Variants in DUSP1 observed in about 807,000 individuals in gnomAD.
The protein encoded by DUSP1 is dual specificity phosphatase 1, also known as dual specificity protein phosphatase 1.
In DUSP1, 10 loss-of-function variants were observed where a neutral mutation model predicts 27.4. That is an observed-to-expected ratio of 0.37 (90% CI 0.23 to 0.62). The LOEUF (loss-of-function observed/expected upper bound fraction) is 0.62. Among genes scored for constraint, DUSP1 ranks in the 20% least tolerant of loss-of-function variants. The pLI, the probability that DUSP1 is intolerant of heterozygous loss-of-function variation, is 0.68. For missense variants in DUSP1, 425 were observed against 508.1 expected, an observed-to-expected ratio of 0.84 and a Z score of 1.57; for synonymous variants, 262 against 223.6, an observed-to-expected ratio of 1.17 and a Z score of -1.53.
rs763013896 is a variant in DUSP1, at chr5:172,769,741, A to G, written c.567T>C (p.Ala189=). 6.2e-7 allele frequency: 1 copy of G among 1,614,274 alleles called. No homozygotes were observed. The highest frequency in any genetic ancestry group is 8.5e-7 in the Non-Finnish European group (1 of 1,180,048). The change falls in exon 3 of 4, where the codon GCT becomes GCC. Residue 189 remains alanine, a synonymous_variant. Coordinates refer to ENST00000239223, the MANE Select transcript of DUSP1 (RefSeq NM_004417.4). The part of the protein sequence containing the change: ...PFLYLGSAYH[A]SRKDMLDALG... ...AGGCATCCAGCATGTCCTTGCGGGA[A>G]GCGTGATACGCACTGCCCAGGTACA...
rs2113422225 is a variant in DUSP1, at chr5:172,768,703, T to G, written c.*59A>C. 1 of 1,460,964 alleles carries G rather than the reference T, an allele frequency of 6.8e-7. No homozygotes were observed. The highest frequency in any genetic ancestry group is 2.5e-5 in the East Asian group (1 of 40,750). The allele number at this position is 1,460,964 out of a possible 1,614,324, so 90.5% of individuals were successfully genotyped here. On this transcript the variant is annotated 3_prime_UTR_variant, in exon 4 of 4. Transcript: ENST00000239223. Reference sequence around the variant, plus strand: ...GCCCCTCCCAGAGTTATTGCATTTCTCCTCTCAAGGAGCATGGAGTCCCAA... The same window carrying G: ...GCCCCTCCCAGAGTTATTGCATTTCGCCTCTCAAGGAGCATGGAGTCCCAA...
At position 172,768,795 on chromosome 5, in the gene DUSP1, A is replaced by G; in HGVS notation, c.1071T>C (p.Leu357=). 6.5e-7 allele frequency: 1 copy of G among 1,532,118 alleles called. No individual in the cohort carries two copies. The highest frequency in any genetic ancestry group is 8.8e-7 in the Non-Finnish European group (1 of 1,137,824). The allele number at this position is 1,532,118 out of a possible 1,614,324, so 94.9% of individuals were successfully genotyped here. The part of the protein sequence containing the change: ...VHSTNSALSY[L]QSPITTSPSC ...TGGGAGAGGTCGTAATGGGGCTCTG[A>G]AGGTAGCTCAGCGCACTGTTCGTGG... Residue 357 remains leucine, a synonymous_variant, in exon 4 of 4, where the codon CTT becomes CTC. Transcript: ENST00000239223.
chr5:172,770,482 C>T (rs561090164), intron 1 of DUSP1, 104 bp downstream of exon 1: 2 of 1,489,090 alleles, frequency 1.3e-6, no homozygotes, highest in East Asian at 5.2e-5. Context: ...TACTCCAGCG[C>T]CCACGCGCTG....
rs1362399860 is a variant in DUSP1 at position 172,769,744 on chromosome 5, G to A, written c.564C>T (p.His188=). The A allele has an allele frequency of 6.8e-6, 11 of 1,614,264 alleles. No individual in the cohort carries two copies. The highest frequency in any genetic ancestry group is 1.7e-4 in the Middle Eastern group (1 of 6,054). Residue 188 remains histidine (H), a synonymous_variant, in exon 3 of 4, where the codon CAC becomes CAT. Coordinates refer to ENST00000239223, the MANE Select transcript of DUSP1 (RefSeq NM_004417.4). ...CATCCAGCATGTCCTTGCGGGAAGC[G>A]TGATACGCACTGCCCAGGTACAGAA... ...LPFLYLGSAY[H]ASRKDMLDAL...
At chr5:172,770,369 A>C in intron 1 of DUSP1, 63 bp from the exon 2 acceptor site, 2 of 1,596,488 alleles carry the variant, frequency 1.3e-6, no homozygotes, top group Admixed American at 1.8e-5. Flanking sequence ...CCTTCATACA[A>C]CTCCCCCACC....
In DUSP1 at chr5:172,768,358, A is replaced by C. The variant is rs1309280722; in HGVS notation, c.*404T>G. Reference sequence around the variant, plus strand: ...GGTTCTTCTAGGAGTAGACAATGACATTTGTGAAGGCAGACACCTACACAA... The same window carrying C: ...GGTTCTTCTAGGAGTAGACAATGACCTTTGTGAAGGCAGACACCTACACAA... On this transcript the variant is annotated 3_prime_UTR_variant, in exon 4 of 4. Transcript: ENST00000239223. 1.3e-5 allele frequency: 2 copies of C among 158,322 alleles called. No individual in the cohort carries two copies. Among genetic ancestry groups the C allele is most frequent in the African/African-American group, 4.8e-5 (2 of 41,690 alleles). 9.8% of individuals were successfully genotyped at this position (158,322 alleles called of 1,614,324 possible). A position where few individuals can be genotyped will look rare whatever the true frequency, so the allele number is the denominator to read the frequency against.
chr5:172,770,801 A>T lies in DUSP1; in HGVS notation c.152T>A (p.Ile51Asn). Residue 51 changes from isoleucine to asparagine, a missense_variant, in exon 1 of 4, where the codon ATC (isoleucine) becomes AAC (asparagine). Physicochemically the swap from Ile to Asn is moderately radical, Grantham distance 149. This residue lies in a region of DUSP1 where 282 missense variants were observed against 319.3 expected (regional missense o/e 0.88). Transcript: ENST00000239223. ...AGSVNVRFST[I>N]VRRRAKGAMG... ...GGCGCCCTTGGCCCGGCGCCGCACG[A>T]TGGTGCTGAAGCGCACGTTGACAGA... 1.3e-6 allele frequency: 2 copies of T among 1,512,712 alleles called. No homozygotes were observed. The highest frequency in any genetic ancestry group is 1.8e-6 in the Non-Finnish European group (2 of 1,136,120). The allele number at this position is 1,512,712 out of a possible 1,614,324, so 93.7% of individuals were successfully genotyped here. A position where few individuals can be genotyped will look rare whatever the true frequency, so the allele number is the denominator to read the frequency against.
rs747076239 is a variant in DUSP1, at chr5:172,770,636, G to A, written c.317C>T (p.Ala106Val). The A allele has an allele frequency of 7.7e-7, 1 of 1,304,482 alleles. No homozygotes were observed. The highest frequency in any genetic ancestry group is 9.7e-7 in the Non-Finnish European group (1 of 1,033,452). The allele number at this position is 1,304,482 out of a possible 1,614,324, so 80.8% of individuals were successfully genotyped here. ...GCGCGCCTCGCGGCAGAGCGCGCCG[G>A]CCGCCAGGGCCAGGGTGCCGTCGCG... ...AKRDGTLALA[A>V]GALCREARAA... The change falls in exon 1 of 4, where the codon GCC becomes GTC. Residue 106 changes from alanine to valine, a missense_variant. Physicochemically the swap from Ala to Val is moderately conservative, Grantham distance 64. This residue lies in a region of DUSP1 where 282 missense variants were observed against 319.3 expected (regional missense o/e 0.88). Coordinates refer to ENST00000239223, the MANE Select transcript of DUSP1 (RefSeq NM_004417.4).
intron 3 of DUSP1, 37 bp downstream of exon 3, chr5:172,769,538 G>C: frequency 1.2e-6 from 2 of 1,610,642 alleles, no homozygotes; most frequent in Non-Finnish European, 1.7e-6. Flanking sequence ...AATGAGAAGA[G>C]AAAGGCAGAA....
rs1427233796 is a variant in DUSP1 at position 172,770,868 on chromosome 5, A to C, written c.85T>G (p.Cys29Gly). The change falls in exon 1 of 4, where the codon TGC becomes GGC. Residue 29 changes from cysteine to glycine, a missense_variant. Cys to Gly is a radical substitution (Grantham distance 159, BLOSUM62 -3). This residue lies in a region of DUSP1 where 282 missense variants were observed against 319.3 expected (regional missense o/e 0.88). Transcript: ENST00000239223. ...GCGTTGAAAGCGAAGAAGGAGCGGCAGTCCAGCAGCAGGCATTGCGCCGCT... is the reference window on the plus strand; with the variant it reads ...GCGTTGAAAGCGAAGAAGGAGCGGCCGTCCAGCAGCAGGCATTGCGCCGCT... Reference protein sequence around the residue: ...ERAAQCLLLDCRSFFAFNAGH... With the variant: ...ERAAQCLLLDGRSFFAFNAGH... 2 of 1,530,612 alleles carry C rather than the reference A, an allele frequency of 1.3e-6. No homozygotes were observed. Among genetic ancestry groups the C allele is most frequent in the African/African-American group, 2.8e-5 (2 of 72,190 alleles). 94.8% of individuals were successfully genotyped at this position (1,530,612 alleles called of 1,614,324 possible). A position where few individuals can be genotyped will look rare whatever the true frequency, so the allele number is the denominator to read the frequency against.
Position 172,768,683 on chromosome 5 carries a change from T to A in DUSP1, c.*79A>T. 1 of 1,456,320 alleles carries A rather than the reference T, an allele frequency of 6.9e-7. No individual in the cohort carries two copies. Among genetic ancestry groups the A allele is most frequent in the Non-Finnish European group, 9.1e-7 (1 of 1,101,648 alleles). The allele number at this position is 1,456,320 out of a possible 1,614,324, so 90.2% of individuals were successfully genotyped here. On this transcript the variant is annotated 3_prime_UTR_variant, in exon 4 of 4. Transcript: ENST00000239223. ...ATAAGGACCAGCCCTCTCGAGCCCC[T>A]CCCAGAGTTATTGCATTTCTCCTCT...
chr5:172,769,850 C>G lies in DUSP1; in HGVS notation c.514-56G>C, dbSNP rs954176133. The G allele has an allele frequency of 3.8e-4, 593 of 1,551,816 alleles. 6 individuals carry two copies. The highest frequency in any genetic ancestry group is 5.6e-5 in the Non-Finnish European group (64 of 1,142,560). On this transcript the variant is annotated intron_variant, in intron 2 of 3. Coordinates refer to ENST00000239223, the MANE Select transcript of DUSP1 (RefSeq NM_004417.4). ...AGCTTGCTCAAAGCCAAGGCCAGTG[C>G]CCATACCCACAAAAACTTTCTGCTG...
rs556217277 is a variant in DUSP1 at position 172,769,786 on chromosome 5, C to T, written c.522G>A (p.Pro174=). 24 of 1,613,768 alleles carry T rather than the reference C, an allele frequency of 1.5e-5. No individual in the cohort carries two copies. In the East Asian group the frequency reaches 3.8e-4, roughly 25 times the overall value. ...GGTACAGAAAGGGCAGGATTTCCAC[C>T]GGGCCACCCTGAAATCCAGAAATAT... ...CSTPLYDQGG[P]VEILPFLYLG... Residue 174 remains proline (P), a synonymous_variant, in exon 3 of 4, where the codon CCG becomes CCA. Coordinates refer to ENST00000239223, the MANE Select transcript of DUSP1 (RefSeq NM_004417.4).
Position 172,770,620 on chromosome 5 carries a change from G to A in DUSP1, c.333C>T (p.Arg111=), listed in dbSNP as rs755823321. 2 of 1,325,252 alleles carry A rather than the reference G, an allele frequency of 1.5e-6. No individual in the cohort carries two copies. The highest frequency in any genetic ancestry group is 9.6e-7 in the Non-Finnish European group (1 of 1,045,036). 82.1% of individuals were successfully genotyped at this position (1,325,252 alleles called of 1,614,324 possible). The part of the protein sequence containing the change: ...TLALAAGALC[R]EARAAQVFFL... ...AGAAGACTTGCGCGGCGCGCGCCTC[G>A]CGGCAGAGCGCGCCGGCCGCCAGGG... The change falls in exon 1 of 4, where the codon CGC becomes CGT. Residue 111 remains arginine, a synonymous_variant. Transcript: ENST00000239223.
At chr5:172,769,521 T>A in intron 3 of DUSP1, 54 bp downstream of exon 3, 1 of 1,600,682 alleles carries the variant, frequency 6.2e-7, no homozygotes. Flanking sequence ...TTGGGCTTAG[T>A]GGCTAAAATG....
chr5:172,770,527 G>C, intron 1 of DUSP1, 59 bp downstream of exon 1: 1 of 1,459,576 alleles, frequency 6.9e-7, no homozygotes, highest in Non-Finnish European at 8.9e-7. Context: ...CGAGAGCCAG[G>C]GGTACCGGGC....
Position 172,769,653 on chromosome 5 carries a change from G to T in DUSP1, c.655C>A (p.Gln219Lys). The change falls in exon 3 of 4, where the codon CAG (glutamine) becomes AAG (lysine). Residue 219 changes from glutamine (Q) to lysine (K), a missense_variant. Physicochemically the swap from Gln to Lys is moderately conservative, Grantham distance 53. Coordinates refer to ENST00000239223, the MANE Select transcript of DUSP1 (RefSeq NM_004417.4). ...TCCTCCACAGGGATGCTCTTGTACT[G>T]GTAGTGACCCTCAAAATGGTTGGGA... ...NCPNHFEGHY[Q>K]YKSIPVEDNH... 2 of 1,614,234 alleles carry T rather than the reference G, an allele frequency of 1.2e-6. No individual in the cohort carries two copies. The highest frequency in any genetic ancestry group is 1.7e-6 in the Non-Finnish European group (2 of 1,180,036).
intron 1 of DUSP1, 80 bp from the exon 2 acceptor site, chr5:172,770,386 G>A: frequency 6.3e-7 from 1 of 1,581,458 alleles, no homozygotes; most frequent in South Asian, 1.2e-5. Flanking sequence ...CACCCACCAA[G>A]GGCTGGAAGT....
At chr5:172,769,880 A>G in intron 2 of DUSP1, 86 bp from the exon 3 acceptor site, 1 of 1,436,686 alleles carries the variant, frequency 7.0e-7, no homozygotes, top group Non-Finnish European at 9.5e-7. Context: ...CTGCTGGAAA[A>G]GTCAATTTCA....
Sources: allele counts gnomAD v4.1 joint callset, GRCh38; gene constraint gnomAD v4.1.1; regional missense constraint gnomAD v4.1.1; transcripts MANE v1.5; gene names NCBI Gene and HGNC (gene_info 2026-07-23, HGNC 2026-07-21).